The following SLC67A2 variants were observed in gnomAD, a reference collection of about 807,000 sequenced individuals.
SLC67A2 encodes solute carrier family 67 member 2.
chr2:102,719,323 A>C, the SLC67A2 span: 3 of 1,032,876 alleles, frequency 2.9e-6, no homozygotes, highest in Non-Finnish European at 4.2e-6. Flanking sequence ...TTTGGTACTA[A>C]ATTTACTAGT....
At chr2:102,732,202 T>C in the SLC67A2 span, 1 of 897,292 alleles carries the variant, frequency 1.1e-6, no homozygotes, top group Non-Finnish European at 1.9e-6. Context: ...AAATTTGTTT[T>C]ATCTCATTTC....
chr2:102,717,454 G>A, the SLC67A2 span: 1 of 152,306 alleles, frequency 6.6e-6, no homozygotes, highest in African/African-American at 2.4e-5. Flanking sequence ...TTCACCACTG[G>A]GTTCTGTCAG....
chr2:102,726,817 A>T, the SLC67A2 span: 5 of 361,286 alleles, frequency 1.4e-5, no homozygotes, highest in Non-Finnish European at 1.9e-5. Context: ...GCTACGTTTG[A>T]AAAAAAAAAA....
the SLC67A2 span, chr2:102,718,544 T>A: frequency 1.1e-5 from 17 of 1,606,310 alleles, no homozygotes; most frequent in Non-Finnish European, 1.3e-5. Context: ...GCTGACCTCC[T>A]GGGCAACCCC....
At chr2:102,733,797 G>A in the SLC67A2 span, among the ~76,000 whole-genome samples, 1 of 151,968 alleles carries the variant, frequency 6.6e-6, no homozygotes, top group Non-Finnish European at 1.5e-5. Context: ...AATAAAATGG[G>A]TATCCTAAAT....
chr2:102,718,738 G>A, the SLC67A2 span: 1 of 1,613,892 alleles, frequency 6.2e-7, no homozygotes, highest in East Asian at 2.2e-5. Context: ...TGGGGGCCAA[G>A]GAGTAGAGCA....
At chr2:102,736,828 G>T in the SLC67A2 span, 1 of 1,589,418 alleles carries the variant, frequency 6.3e-7, no homozygotes, top group Non-Finnish European at 8.6e-7. Flanking sequence ...CCGGCCGGGG[G>T]TCGGACGCAG....
the SLC67A2 span, chr2:102,718,839 C>T: frequency 1.1e-4 from 182 of 1,613,822 alleles, no homozygotes; most frequent in Admixed American, 1.5e-4. Context: ...AGGGCAAGGC[C>T]GGCCACGGCC....
At chr2:102,734,244 C>T in the SLC67A2 span, among the ~76,000 whole-genome samples, 1 of 152,090 alleles carries the variant, frequency 6.6e-6, no homozygotes, top group Non-Finnish European at 1.5e-5. Context: ...TGGACTATCT[C>T]AATGAAAATG....
chr2:102,732,519 G>A, the SLC67A2 span: 12 of 864,562 alleles, frequency 1.4e-5, no homozygotes, highest in East Asian at 2.7e-5. Flanking sequence ...TTTTAAACAC[G>A]TAAGAAATCA....
At chr2:102,718,072 C>T in the SLC67A2 span, 6 of 207,226 alleles carry the variant, frequency 2.9e-5, no homozygotes, top group Non-Finnish European at 4.8e-5. Context: ...ATCATGTTCT[C>T]TTATTCCACC....
chr2:102,722,981 A>T, the SLC67A2 span, among the ~76,000 whole-genome samples: 2 of 152,200 alleles, frequency 1.3e-5, no homozygotes, highest in African/African-American at 4.8e-5. Context: ...AAAAAACACC[A>T]AGTTTAAAAA....
the SLC67A2 span, among the ~76,000 whole-genome samples, chr2:102,720,339 T>C: frequency 6.6e-6 from 1 of 152,294 alleles, no homozygotes; most frequent in African/African-American, 2.4e-5. Flanking sequence ...CCTTGAACAT[T>C]ACACAGAATA....
chr2:102,727,181 T>G, the SLC67A2 span, among the ~76,000 whole-genome samples: 1 of 152,148 alleles, frequency 6.6e-6, no homozygotes, highest in Non-Finnish European at 1.5e-5. Context: ...TGTATTTTTT[T>G]TTTTGTCCAA....
the SLC67A2 span, among the ~76,000 whole-genome samples, chr2:102,733,754 A>C: frequency 8.7e-6 from 1 of 115,556 alleles, no homozygotes; most frequent in Non-Finnish European, 2.1e-5. Context: ...ATTTTTTTCC[A>C]AAAAAAAAAA....
the SLC67A2 span, among the ~76,000 whole-genome samples, chr2:102,732,901 T>C: frequency 3.9e-5 from 6 of 152,300 alleles, no homozygotes; most frequent in Admixed American, 1.3e-4. Context: ...AGCTAAGTCA[T>C]AGAAAGTGAA....
chr2:102,733,814 T>TGGAGA, the SLC67A2 span, among the ~76,000 whole-genome samples: 3 of 151,512 alleles, frequency 2.0e-5, no homozygotes, highest in African/African-American at 7.3e-5. Context: ...AAATAAGAGA[T>TGGAGA]GGAGAGAAAT....
chr2:102,720,948 G>A, the SLC67A2 span, among the ~76,000 whole-genome samples: 1 of 152,162 alleles, frequency 6.6e-6, no homozygotes, highest in Non-Finnish European at 1.5e-5. Flanking sequence ...CAAAGCCCTG[G>A]GTGGGACAGT....
the SLC67A2 span, chr2:102,718,512 C>A: frequency 6.2e-7 from 1 of 1,613,972 alleles, no homozygotes; most frequent in Non-Finnish European, 8.5e-7. Context: ...AACACAGCGC[C>A]CAGGCTGGGG....
Sources: allele counts gnomAD v4.1 joint callset (sites outside exome capture counted in the v4.1 genomes callset), GRCh38; gene constraint gnomAD v4.1.1; transcripts MANE v1.5; gene names NCBI Gene and HGNC (gene_info 2026-07-23, HGNC 2026-07-21).